The following MRPL37 variants were observed in gnomAD, a reference collection of about 807,000 sequenced individuals.
MRPL37 encodes mitochondrial ribosomal protein L37.
Under a neutral mutation model 44.1 loss-of-function variants are expected in MRPL37, and 34 were observed. The observed-to-expected ratio is 0.77, with a 90% CI of 0.59 to 1.03. The LOEUF is 1.03. MRPL37 is among the 50% of genes least tolerant of loss of function. The pLI, the probability that MRPL37 is intolerant of heterozygous loss-of-function variation, is 0.00. For synonymous variants in MRPL37, 212 were observed against 219.5 expected (o/e 0.97, Z 0.30); for missense variants, 532 against 543.7 (o/e 0.98, Z 0.21).
At chr1:54,207,901 G>C (rs1644135697) in intron 3 of MRPL37, among the ~76,000 whole-genome samples, 1 of 152,164 alleles carries the variant, frequency 6.6e-6, no homozygotes. Flanking sequence ...AACCGGCCTT[G>C]ATCCATTACC....
At chr1:54,212,412 C>A in intron 4 of MRPL37, 89 bp from the exon 5 acceptor site, 1 of 1,482,766 alleles carries the variant, frequency 6.7e-7, no homozygotes, top group Non-Finnish European at 9.3e-7. Flanking sequence ...TAGCACCTGT[C>A]CCTGGGCTAA....
chr1:54,220,895 C>T (rs1216768763), downstream of MRPL37: 1 of 436,066 alleles, frequency 2.3e-6, no homozygotes, highest in Non-Finnish European at 4.9e-6. Flanking sequence ...TTCTCACTGT[C>T]TCATATATTT....
In MRPL37 at chr1:54,200,356, C is replaced by T. The variant is rs1229207816; in HGVS notation, c.113C>T (p.Thr38Met). The change falls in exon 1 of 7, where the codon ACG (threonine) becomes ATG (methionine). Residue 38 changes from threonine (T) to methionine (M), a missense_variant. Thr to Met is a moderately conservative substitution (Grantham distance 81, BLOSUM62 -1). Transcript: ENST00000360840. ...GCGTATGAGTGGGGCGTGCGCTCCA[C>T]GCGGAAGTCGGAGCCTCCTCCCCTG... ...RGAYEWGVRSTRKSEPPPLDR... is the reference protein window; with the variant it reads ...RGAYEWGVRSMRKSEPPPLDR... 6.2e-7 allele frequency: 1 copy of T among 1,614,170 alleles called. No homozygotes were observed. The highest frequency in any genetic ancestry group is 8.5e-7 in the Non-Finnish European group (1 of 1,180,024).
intron 3 of MRPL37, 52 bp downstream of exon 3, chr1:54,205,462 A>G (rs1449169417): frequency 5.5e-6 from 8 of 1,447,892 alleles, no homozygotes; most frequent in Admixed American, 1.7e-5. Flanking sequence ...TTGCCTTTCT[A>G]CTCTTAACCC....
At chr1:54,207,264 T>A (rs1160453645) in intron 3 of MRPL37, 1 of 152,262 alleles carries the variant, frequency 6.6e-6, no homozygotes, top group African/African-American at 2.4e-5. Flanking sequence ...GACCATATCT[T>A]ACTCACATTG....
intron 1 of MRPL37, among the ~76,000 whole-genome samples, 185 bp from the exon 2 acceptor site, chr1:54,204,833 A>G (rs1356297239): frequency 6.6e-6 from 1 of 152,184 alleles, no homozygotes; most frequent in Non-Finnish European, 1.5e-5. Context: ...CCTGAAGGTG[A>G]GTTGAAATCT....
At chr1:54,210,985 C>G (rs1228536272) in intron 4 of MRPL37, among the ~76,000 whole-genome samples, 3 of 152,186 alleles carry the variant, frequency 2.0e-5, no homozygotes, top group Non-Finnish European at 4.4e-5. Flanking sequence ...CCAGCCTCAT[C>G]TTTGCCTCCT....
At chr1:54,215,660 C>T (rs775096678) in intron 5 of MRPL37, among the ~76,000 whole-genome samples, 3 of 152,276 alleles carry the variant, frequency 2.0e-5, no homozygotes, top group Admixed American at 6.5e-5. Context: ...TCGTGACTTC[C>T]GGCAAGTCAC....
intron 3 of MRPL37, among the ~76,000 whole-genome samples, chr1:54,208,475 G>A (rs185100661): frequency 6.7e-6 from 1 of 148,730 alleles, no homozygotes; most frequent in African/African-American, 2.5e-5. Context: ...CGTGAACCCG[G>A]AAGGCGGAGC....
At chr1:54,215,003 T>G (rs1173137222) in intron 5 of MRPL37, among the ~76,000 whole-genome samples, 2 of 152,080 alleles carry the variant, frequency 1.3e-5, no homozygotes, top group African/African-American at 2.4e-5. Flanking sequence ...TCAGCCCCAG[T>G]GGGGTGAACA....
chr1:54,202,307 TTA>T (rs901219781), intron 1 of MRPL37, among the ~76,000 whole-genome samples: 20 of 152,182 alleles, frequency 1.3e-4, no homozygotes, highest in Non-Finnish European at 4.4e-5. Context: ...TGCCCAAAAG[TTA>T]CATTTCTAAA....
intron 1 of MRPL37, 104 bp from the exon 2 acceptor site, chr1:54,204,914 C>A: frequency 7.5e-7 from 1 of 1,327,990 alleles, no homozygotes; most frequent in Non-Finnish European, 1.0e-6. Flanking sequence ...TCCAGTTTCT[C>A]ACTTGAGGCA....
At chr1:54,206,705 C>T (rs952570488) in intron 3 of MRPL37, among the ~76,000 whole-genome samples, 9 of 152,022 alleles carry the variant, frequency 5.9e-5, no homozygotes, top group Middle Eastern at 3.4e-3. Context: ...CCACTGTTCC[C>T]GGCCTAGAAT....
downstream of MRPL37, among the ~76,000 whole-genome samples, chr1:54,218,584 TTATG>T (rs2100518088): frequency 6.6e-6 from 1 of 152,304 alleles, no homozygotes; most frequent in African/African-American, 2.4e-5. Flanking sequence ...AGACTCTGGG[TTATG>T]TGTGTGTAGT....
chr1:54,210,918 G>A (rs1644160022), intron 4 of MRPL37, among the ~76,000 whole-genome samples: 1 of 152,122 alleles, frequency 6.6e-6, no homozygotes, highest in African/African-American at 2.4e-5. Context: ...TGTTGGTAAA[G>A]TTGGAACTCC....
intron 5 of MRPL37, 32 bp from the exon 6 acceptor site, chr1:54,216,109 G>C (rs374407823): frequency 1.2e-6 from 2 of 1,613,118 alleles, no homozygotes; most frequent in African/African-American, 1.3e-5. Flanking sequence ...CACAGCTTCT[G>C]ATTTGTTTTC....
chr1:54,200,585 C>G lies in MRPL37; in HGVS notation c.342C>G (p.Leu114=), dbSNP rs769374285. ...TCTTTCACCACCGTTGCCGCCTTCT[C>G]GAGGGTGAGGCCCCAGGACGGGCGG... ...CYIFHHRCRL[L]EGVKQALWLT... is the part of the protein sequence containing the mutation. The change falls in exon 1 of 7, where the codon CTC becomes CTG. Residue 114 remains leucine, a synonymous_variant. Coordinates refer to ENST00000360840, the MANE Select transcript of MRPL37 (RefSeq NM_016491.4). 5.7e-6 allele frequency: 9 copies of G among 1,592,208 alleles called. No individual in the cohort carries two copies. The highest frequency in any genetic ancestry group is 7.7e-6 in the Non-Finnish European group (9 of 1,164,658).
intron 3 of MRPL37, among the ~76,000 whole-genome samples, 188 bp from the exon 4 acceptor site, chr1:54,209,758 C>T (rs948279670): frequency 1.3e-4 from 20 of 152,186 alleles, no homozygotes; most frequent in Non-Finnish European, 4.4e-5. Flanking sequence ...CCATGCCTGG[C>T]CAATTTTTTG....
intron 6 of MRPL37, 48 bp from the exon 7 acceptor site, chr1:54,218,124 T>A: frequency 6.6e-7 from 1 of 1,511,142 alleles, no homozygotes; most frequent in Non-Finnish European, 9.2e-7. Context: ...TTTTAATTGC[T>A]GCCGTTAAAC....
Sources: allele counts gnomAD v4.1 joint callset (sites outside exome capture counted in the v4.1 genomes callset), GRCh38; gene constraint gnomAD v4.1.1; transcripts MANE v1.5; gene names NCBI Gene and HGNC (gene_info 2026-07-23, HGNC 2026-07-21).